The following CIITA variants were observed in gnomAD, a reference collection of about 807,000 sequenced individuals.
The protein encoded by CIITA is class II major histocompatibility complex transactivator, also known as MHC class II transactivator.
In CIITA, 72 loss-of-function variants were observed where a neutral mutation model predicts 115.1. The ratio of observed to expected loss-of-function variants is 0.63; its 90% CI spans 0.52 to 0.76. The LOEUF is 0.76. Ranked by LOEUF, CIITA falls within the 30% of genes least tolerant of loss-of-function variation. The pLI, the probability that CIITA is intolerant of heterozygous loss-of-function variation, is 0.00. For missense variants in CIITA, 1,617 were observed against 1,463.8 expected, an observed-to-expected ratio of 1.10 and a Z score of -1.71; for synonymous variants, 763 against 635.6, an observed-to-expected ratio of 1.20 and a Z score of -3.02.
chr16:10,941,193 G>A (rs867787524), downstream of CIITA: 1 of 154,876 alleles, frequency 6.5e-6, no homozygotes, highest in African/African-American at 2.4e-5. The surrounding 1 kb of genome is among the most constrained non-coding windows in gnomAD (Gnocchi z 6.4). Flanking sequence ...TAGGACAAGC[G>A]AGAATCCCCC....
At chr16:10,895,554 G>A (rs938709512) in intron 2 of CIITA, 115 bp from the exon 3 acceptor site, 3 of 1,561,826 alleles carry the variant, frequency 1.9e-6, no homozygotes, top group Non-Finnish European at 2.6e-6. Flanking sequence ...CCACGTCTGT[G>A]GGACGCTCTC....
At chr16:10,872,201 T>A (rs1046447238), upstream of CIITA, among the ~76,000 whole-genome samples, 10 of 152,104 alleles carry the variant, frequency 6.6e-5, no homozygotes, top group African/African-American at 2.4e-4. Context: ...CAGCTCATTA[T>A]AACCTCTGCC....
chr16:10,891,934 G>C (rs1296765308), intron 1 of CIITA, among the ~76,000 whole-genome samples: 1 of 152,214 alleles, frequency 6.6e-6, no homozygotes, highest in South Asian at 2.1e-4. Context: ...CCCAGCCAGT[G>C]CCCCAGCTTG....
chr16:10,900,739 CAAAAAAA>C (rs5815603), intron 5 of CIITA, among the ~76,000 whole-genome samples: 1 of 101,632 alleles, frequency 9.8e-6, no homozygotes. Flanking sequence ...GACTCTGTTT[CAAAAAAA>C]AAAAAAAATG....
At chr16:10,911,723 G>A (rs549865222) in intron 13 of CIITA, among the ~76,000 whole-genome samples, 1 of 151,362 alleles carries the variant, frequency 6.6e-6, no homozygotes, top group Admixed American at 6.6e-5. Context: ...ACTAATTTTT[G>A]TATTTTTTGT....
intron 1 of CIITA, among the ~76,000 whole-genome samples, chr16:10,871,337 G>T (rs2143256167): frequency 6.6e-6 from 1 of 152,276 alleles, no homozygotes; most frequent in Admixed American, 6.5e-5. Flanking sequence ...ACCTCAGCTG[G>T]CCTTGGGTTT....
chr16:10,925,631 G>C lies in CIITA; in HGVS notation c.*1776G>C, dbSNP rs1315030288. ...AGCCCACTTCTGCCATATTCTGTTG[G>C]CCAGTGTGACAAGGATTGCTACTGT... On this transcript the variant is annotated 3_prime_UTR_variant, in exon 20 of 20. Transcript: ENST00000324288. 1.3e-5 allele frequency: 2 copies of C among 152,328 alleles called. No individual in the cohort carries two copies. The highest frequency in any genetic ancestry group is 2.4e-5 in the African/African-American group (1 of 41,452). The allele number at this position is 152,328 out of a possible 1,614,324, so 9.4% of individuals were successfully genotyped here.
chr16:10,870,636 C>G (rs1363659144), intron 1 of CIITA, among the ~76,000 whole-genome samples: 1 of 152,236 alleles, frequency 6.6e-6, no homozygotes, highest in African/African-American at 2.4e-5. Context: ...AGCTCTGGAT[C>G]TGAAGCCATG....
At chr16:10,873,870 C>T (rs923595788), upstream of CIITA, among the ~76,000 whole-genome samples, 3 of 152,108 alleles carry the variant, frequency 2.0e-5, no homozygotes, top group Non-Finnish European at 4.4e-5. Flanking sequence ...ACAGGGGTCC[C>T]GTCTCAGGAG....
downstream of CIITA, chr16:10,937,930 CT>C (rs1266927832): frequency 6.6e-6 from 1 of 152,226 alleles, no homozygotes; most frequent in East Asian, 1.9e-4. The surrounding 1 kb of genome is among the most constrained non-coding windows in gnomAD (Gnocchi z 4.2). Flanking sequence ...AGTGGGAAGT[CT>C]CCCCCAGCTA....
rs34648899 is a variant in CIITA, at chr16:10,902,050, C to A, written c.494C>A (p.Thr165Asn). The A allele has an allele frequency of 3.1e-6, 5 of 1,614,040 alleles. No homozygotes were observed. The African/African-American group carries it at 4.0e-5, about 13-fold the overall frequency. ...CACTTCCTCACAGCTGAGCCCCCCA[C>A]TGTGGTGACTGGCAGTCTCCTAGTG... Reference protein sequence around the residue: ...LKHWKPAEPPTVVTGSLLVGP... With the variant: ...LKHWKPAEPPNVVTGSLLVGP... The change falls in exon 7 of 20, where the codon ACT (threonine) becomes AAT (asparagine). Residue 165 changes from threonine to asparagine, a missense_variant. Coordinates refer to ENST00000324288, the MANE Select transcript of CIITA (RefSeq NM_000246.4).
intron 1 of CIITA, among the ~76,000 whole-genome samples, chr16:10,869,625 C>T (rs1303790123): frequency 2.0e-5 from 3 of 151,644 alleles, no homozygotes; most frequent in Non-Finnish European, 4.4e-5. Context: ...TCATGCAGTT[C>T]TCATGCCTCA....
intron 15 of CIITA, 91 bp downstream of exon 15, chr16:10,916,550 C>A: frequency 9.1e-7 from 1 of 1,094,104 alleles, no homozygotes; most frequent in Non-Finnish European, 1.4e-6. Flanking sequence ...TTTTTTTAGA[C>A]AAGGGCTCGC....
intron 5 of CIITA, among the ~76,000 whole-genome samples, chr16:10,900,169 G>T (rs1024838161): frequency 1.3e-5 from 2 of 152,138 alleles, no homozygotes; most frequent in Non-Finnish European, 2.9e-5. Context: ...TCCTATCTTA[G>T]TCAACCTATG....
At chr16:10,886,331 G>A (rs1051884246) in intron 1 of CIITA, among the ~76,000 whole-genome samples, 1 of 152,100 alleles carries the variant, frequency 6.6e-6, no homozygotes, top group African/African-American at 2.4e-5. Context: ...CACGGACATT[G>A]TTCTCTATGG....
chr16:10,896,455 C>G (rs753909186), intron 3 of CIITA, among the ~76,000 whole-genome samples: 1 of 152,208 alleles, frequency 6.6e-6, no homozygotes, highest in Non-Finnish European at 1.5e-5. Flanking sequence ...AGAGCTACAG[C>G]TTTCAGACAA....
chr16:10,936,885 C>A (rs4780337), downstream of CIITA: 125,637 of 152,214 alleles, frequency 0.83, 52,214 homozygotes, highest in South Asian at 0.9. Flanking sequence ...TCCCAAAAGC[C>A]GAGTATGCTT....
At chr16:10,899,207 C>T (rs967502016) in intron 5 of CIITA, among the ~76,000 whole-genome samples, 2 of 152,182 alleles carry the variant, frequency 1.3e-5, no homozygotes, top group African/African-American at 4.8e-5. Flanking sequence ...AAATACATGC[C>T]ACAAGGCCTG....
Position 10,910,276 on chromosome 16 carries a change from A to AT in CIITA, c.2888+19dup. 8 of 1,612,006 alleles carry AT rather than the reference A, an allele frequency of 5.0e-6. No homozygotes were observed. Among genetic ancestry groups the AT allele is most frequent in the Non-Finnish European group, 6.8e-6 (8 of 1,178,476 alleles). Reference sequence around the variant, plus strand: ...GGAGTTTGCGTAAGCAAAGGGGTGGATTGTCTTGTGGGTCTGCGCAAGGTT... The same window carrying AT: ...GGAGTTTGCGTAAGCAAAGGGGTGGATTTGTCTTGTGGGTCTGCGCAAGGTT... On this transcript the variant is annotated intron_variant, in intron 13 of 19. Transcript: ENST00000324288.
Sources: gnomAD v4.1 joint callset for allele counts (sites outside exome capture counted in the v4.1 genomes callset) on GRCh38, gnomAD v4.1.1 for gene constraint, Gnocchi (gnomAD v3.1) non-coding constraint, MANE v1.5 for transcripts, NCBI Gene and HGNC (gene_info 2026-07-23, HGNC 2026-07-21) for gene names.